MATK: variants seen among roughly 807,000 people sequenced by gnomAD.
The protein encoded by MATK is megakaryocyte-associated tyrosine kinase.
In MATK, 41 loss-of-function variants were observed where a neutral mutation model predicts 59.8. The observed-to-expected ratio is 0.69, with a 90% CI of 0.53 to 0.89. MATK has a LOEUF of 0.89. Ranked by LOEUF, MATK falls within the 40% of genes least tolerant of loss-of-function variation. The pLI, the probability that MATK is intolerant of heterozygous loss-of-function variation, is 0.00. For missense variants in MATK, 593 were observed against 719.6 expected, an observed-to-expected ratio of 0.82 and a Z score of 2.01; for synonymous variants, 308 against 306.1, an observed-to-expected ratio of 1.01 and a Z score of -0.06.
At chr19:3,786,981 AGGGTGGGGGCCCCACCC>A (rs1211649863), upstream of MATK, among the ~76,000 whole-genome samples, 1 of 151,710 alleles carries the variant, frequency 6.6e-6, no homozygotes. This position sits in a 1 kb window ranked among gnomAD's most constrained non-coding sequence, Gnocchi z 4.1. Context: ...CCCCATATGG[AGGGTGGGGGCCCCACCC>A]GCTTTCACCT....
At chr19:3,785,508 T>C (rs1399062208) in intron 1 of MATK, 1 of 311,174 alleles carries the variant, frequency 3.2e-6, no homozygotes, top group Non-Finnish European at 6.2e-6. Context: ...GCCTCCCCCA[T>C]CTCCCCGACC....
intron 8 of MATK, among the ~76,000 whole-genome samples, chr19:3,780,915 A>T (rs1467040398): frequency 6.8e-6 from 1 of 147,922 alleles, no homozygotes; most frequent in African/African-American, 2.5e-5. Context: ...TTTTGTACAG[A>T]TGGGGGTCTC....
upstream of MATK, among the ~76,000 whole-genome samples, chr19:3,787,011 CAG>C (rs2037493684): frequency 3.3e-5 from 5 of 152,152 alleles, no homozygotes; most frequent in South Asian, 1.0e-3. Context: ...TTTCACCTCA[CAG>C]AACAGTTTGA....
chr19:3,780,113 T>C (rs1297334909), intron 8 of MATK, among the ~76,000 whole-genome samples: 1 of 152,052 alleles, frequency 6.6e-6, no homozygotes, highest in Non-Finnish European at 1.5e-5. Context: ...AAACCCTGTC[T>C]CTAATGAAAA....
intron 1 of MATK, 200 bp downstream of exon 1, chr19:3,785,969 G>GCCA (rs2037477185): frequency 6.4e-6 from 1 of 155,436 alleles, no homozygotes; most frequent in Non-Finnish European, 1.4e-5. Flanking sequence ...GGAAACCCCA[G>GCCA]CCACCACCAC....
chr19:3,786,188 G>T lies in MATK; in HGVS notation c.-171C>A. On this transcript the variant is annotated 5_prime_UTR_variant, in exon 1 of 14. Transcript: ENST00000310132. The surrounding 1 kb of genome is among the most constrained non-coding windows in gnomAD (Gnocchi z 4.1). ...GCTCACCTGCTCAGGGGGCGCCCCC[G>T]AGCCGCGCCCCGCGCCCGCCCCCAG... The T allele has an allele frequency of 1.0e-6, 1 of 981,490 alleles. No individual in the cohort carries two copies. Among genetic ancestry groups the T allele is most frequent in the Non-Finnish European group, 1.2e-6 (1 of 826,924 alleles). 60.8% of individuals were successfully genotyped at this position (981,490 alleles called of 1,614,324 possible).
At chr19:3,798,012 A>T (rs2037611146) in intron 1 of MATK, among the ~76,000 whole-genome samples, 1 of 152,168 alleles carries the variant, frequency 6.6e-6, no homozygotes, top group African/African-American at 2.4e-5. Context: ...ACTGTACTCC[A>T]GCCTGGGTGA....
At chr19:3,781,893 G>T (rs564855277) in intron 7 of MATK, among the ~76,000 whole-genome samples, 1 of 152,278 alleles carries the variant, frequency 6.6e-6, no homozygotes, top group South Asian at 2.1e-4. Flanking sequence ...ATCTCAGGTT[G>T]ACCTGAACAA....
chr19:3,778,687 C>G, intron 12 of MATK, 92 bp from the exon 13 acceptor site: 1 of 1,379,730 alleles, frequency 7.2e-7, no homozygotes, highest in South Asian at 1.2e-5. Flanking sequence ...GGTTGACCCT[C>G]ACTCTCTGGT....
chr19:3,781,590 C>A lies in MATK; in HGVS notation c.742+17G>T, dbSNP rs2145750326. 1 of 1,613,818 alleles carries A rather than the reference C, an allele frequency of 6.2e-7. No individual in the cohort carries two copies. Among genetic ancestry groups the A allele is most frequent in the South Asian group, 1.1e-5 (1 of 91,090 alleles). On this transcript the variant is annotated intron_variant, in intron 8 of 13. Coordinates refer to ENST00000310132, the MANE Select transcript of MATK (RefSeq NM_139355.3). ...TCCCATCTTCCTTCAGCACCCCCAA[C>A]CCAGTCCGCCACTCACCTCCAAACT...
upstream of MATK, chr19:3,789,502 C>A (rs1016274379): frequency 3.6e-6 from 2 of 551,074 alleles, no homozygotes; most frequent in African/African-American, 1.9e-5. Flanking sequence ...GAACCAAGGT[C>A]TTGAGCCCAG....
upstream of MATK, chr19:3,787,380 CT>C (rs549661210): frequency 1.7e-3 from 230 of 136,560 alleles, no homozygotes; most frequent in South Asian, 1.9e-3. Context: ...GCCACTTTGC[CT>C]TTTTTTTTTT....
In MATK at chr19:3,783,935, C is replaced by T. The variant is rs972758266; in HGVS notation, c.461G>A (p.Gly154Asp). Reference sequence around the variant, plus strand: ...AAAGCTCACGCACAGGACGTAGTCGCCGGGGTGGCGCGCGGACTCCCGCAC... The same window carrying T: ...AAAGCTCACGCACAGGACGTAGTCGTCGGGGTGGCGCGCGGACTCCCGCAC... ...FLVRESARHP[G>D]DYVLCVSFGR... is the part of the protein sequence containing the mutation. Residue 154 changes from glycine (G) to aspartate (D), a missense_variant, in exon 6 of 14, where the codon GGC becomes GAC. By Grantham distance (94) the Gly-to-Asp change is moderately conservative (BLOSUM62 -1). Coordinates refer to ENST00000310132, the MANE Select transcript of MATK (RefSeq NM_139355.3). 1.2e-6 allele frequency: 2 copies of T among 1,612,718 alleles called. No homozygotes were observed. Among genetic ancestry groups the T allele is most frequent in the Non-Finnish European group, 1.7e-6 (2 of 1,179,812 alleles).
rs576620828 is a variant in MATK at position 3,784,365 on chromosome 19, G to T, written c.219C>A (p.Asp73Glu). Residue 73 changes from aspartate (D) to glutamate (E), a missense_variant, in exon 4 of 14, where the codon GAC (aspartate) becomes GAA (glutamate). Coordinates refer to ENST00000310132, the MANE Select transcript of MATK (RefSeq NM_139355.3). ...CGCAGGCCTCCAGGATGGTGACCAC[G>T]TCGCCCTTGCGGAAGGCCAGCTCCC... is the stretch of plus-strand genomic sequence containing the variant. ...KPGELAFRKG[D>E]VVTILEACEN... The T allele has an allele frequency of 2.6e-5, 42 of 1,608,078 alleles. No homozygotes were observed. The South Asian group carries it at 4.2e-4, about 16-fold the overall frequency.
intron 6 of MATK, 119 bp from the exon 7 acceptor site, chr19:3,783,338 G>C (rs543857743): frequency 2.2e-5 from 16 of 714,330 alleles, no homozygotes; most frequent in Middle Eastern, 6.5e-4. Flanking sequence ...GAGAAAGGCT[G>C]GTTTCCATAG....
At chr19:3,792,477 G>C (rs1354534793) in intron 1 of MATK, among the ~76,000 whole-genome samples, 1 of 139,880 alleles carries the variant, frequency 7.1e-6, no homozygotes, top group African/African-American at 2.7e-5. Context: ...CCTGCCTCTT[G>C]TTCAGCCTTT....
chr19:3,790,470 A>G (rs553691664), upstream of MATK, among the ~76,000 whole-genome samples: 3 of 152,330 alleles, frequency 2.0e-5, no homozygotes, highest in South Asian at 6.2e-4. Context: ...AGCCAAGGGA[A>G]AGAAACGTGA....
chr19:3,789,356 C>T (rs1599204535), upstream of MATK: 1 of 769,200 alleles, frequency 1.3e-6, no homozygotes, highest in Admixed American at 1.7e-5. Context: ...ATGAGAGGGA[C>T]ATTTAAGATG....
At position 3,784,345 on chromosome 19, in the gene MATK, G is replaced by A. The variant is rs751449121; in HGVS notation, c.239C>T (p.Ala80Val). 6.2e-7 allele frequency: 1 copy of A among 1,605,072 alleles called. No homozygotes were observed. Among genetic ancestry groups the A allele is most frequent in the Admixed American group, 1.7e-5 (1 of 59,218 alleles). Residue 80 changes from alanine to valine, a missense_variant, in exon 4 of 14, where the codon GCC becomes GTC. Ala to Val is a moderately conservative substitution (Grantham distance 64, BLOSUM62 0). Coordinates refer to ENST00000310132, the MANE Select transcript of MATK (RefSeq NM_139355.3). ...CCGCCGGCCACCTCTCACCTCGCAG[G>A]CCTCCAGGATGGTGACCACGTCGCC... The part of the protein sequence containing the change: ...RKGDVVTILE[A>V]CENKSWYRVK...
Sources: allele counts gnomAD v4.1 joint callset (sites outside exome capture counted in the v4.1 genomes callset), GRCh38; gene constraint gnomAD v4.1.1; non-coding constraint Gnocchi (gnomAD v3.1); transcripts MANE v1.5; gene names NCBI Gene and HGNC (gene_info 2026-07-23, HGNC 2026-07-21).